The following ALAS2 variants were observed in gnomAD, a reference collection of about 807,000 sequenced individuals.
ALAS2 encodes the protein 5'-aminolevulinate synthase 2, also known as 5-aminolevulinate synthase, erythroid-specific, mitochondrial.
ALAS2 carries 3 observed loss-of-function variants against 33.7 expected under a neutral mutation model. That is an observed-to-expected ratio of 0.09 (90% CI 0.04 to 0.23). The LOEUF is 0.23. Ranked by LOEUF, ALAS2 falls within the 10% of genes least tolerant of loss-of-function variation. The pLI, the probability that ALAS2 is intolerant of heterozygous loss-of-function variation, is 1.00. For missense variants in ALAS2, 304 were observed against 475.1 expected (o/e 0.64, Z 3.35); for synonymous variants, 191 against 177.3 (o/e 1.08, Z -0.61).
chrX:55,017,598 T>C lies in ALAS2; in HGVS notation c.891A>G (p.Ala297=). 8.3e-7 allele frequency: 1 copy of C among 1,211,849 alleles called. No homozygotes were observed. The highest frequency in any genetic ancestry group is 1.1e-6 in the Non-Finnish European group (1 of 895,500). The stretch of plus-strand genomic sequence containing the variant: ...CATTGTGCCTGAAGACAAACTTGGC[T>C]GCTCCACTGTTACGGATACCTTGGA... The part of the protein sequence containing the change: ...SMIQGIRNSG[A]AKFVFRHNDP... Residue 297 remains alanine, a synonymous_variant, in exon 7 of 11, where the codon GCA becomes GCG. Transcript: ENST00000650242.
At chrX:55,027,999 T>C (rs1291158630) in intron 1 of ALAS2, 8 of 445,681 alleles carry the variant, frequency 1.8e-5, no homozygotes, top group Non-Finnish European at 2.8e-5. Context: ...TCCAATTTCA[T>C]TGTTGGATGT....
intron 1 of ALAS2, among the ~76,000 whole-genome samples, chrX:55,030,593 C>T (rs1289158384): frequency 9.2e-6 from 1 of 108,574 alleles, no homozygotes; most frequent in African/African-American, 3.4e-5. Flanking sequence ...GATACAAAGC[C>T]GAGGAAAGAG....
intron 10 of ALAS2, 152 bp downstream of exon 10, chrX:55,013,334 C>G: frequency 1.6e-6 from 1 of 613,287 alleles, no homozygotes; most frequent in Non-Finnish European, 2.4e-6. Flanking sequence ...GGCTGCTTCT[C>G]ATTTATTTGT....
intron 10 of ALAS2, among the ~76,000 whole-genome samples, 185 bp downstream of exon 10, chrX:55,013,301 A>G (rs1372424383): frequency 9.0e-6 from 1 of 111,112 alleles, no homozygotes; most frequent in Non-Finnish European, 1.9e-5. Flanking sequence ...TCCCCAACCA[A>G]ACTGGAGCCC....
At chrX:55,030,543 G>C (rs1935978358) in intron 1 of ALAS2, among the ~76,000 whole-genome samples, 1 of 111,220 alleles carries the variant, frequency 9.0e-6, no homozygotes, top group African/African-American at 3.3e-5. Flanking sequence ...CATCGTTCTT[G>C]ATAGAGAGGA....
At chrX:55,023,191 GGTGTGTGT>G (rs747543670) in intron 4 of ALAS2, among the ~76,000 whole-genome samples, 2 of 98,711 alleles carry the variant, frequency 2.0e-5, no homozygotes, top group Non-Finnish European at 4.2e-5. Context: ...GAGAGCAGAG[GGTGTGTGT>G]GTGTGTGTGT....
intron 6 of ALAS2, among the ~76,000 whole-genome samples, chrX:55,019,100 C>A (rs1309256857): frequency 9.0e-6 from 1 of 110,811 alleles, no homozygotes; most frequent in Non-Finnish European, 1.9e-5. Flanking sequence ...AAGCAGTTTG[C>A]CTGTTATAGG....
At chrX:55,024,624 C>T in intron 3 of ALAS2, 94 bp downstream of exon 3, 1 of 1,134,905 alleles carries the variant, frequency 8.8e-7, no homozygotes, top group Non-Finnish European at 1.2e-6. Context: ...GGGATGTGTA[C>T]TGGCTGCTTT....
At chrX:55,013,454 A>G in intron 10 of ALAS2, 32 bp downstream of exon 10, 1 of 1,180,950 alleles carries the variant, frequency 8.5e-7, no homozygotes, top group Middle Eastern at 2.4e-4. Context: ...GAGGGGAGGG[A>G]GGTCCTGTAG....
chrX:55,029,288 C>T (rs766554569), intron 1 of ALAS2, among the ~76,000 whole-genome samples: 2 of 111,359 alleles, frequency 1.8e-5, no homozygotes, highest in South Asian at 7.7e-4. Context: ...TCTCCACTGA[C>T]ATTGGACTAG....
chrX:55,019,996 G>A (rs1221826623), intron 6 of ALAS2, among the ~76,000 whole-genome samples: 1 of 111,440 alleles, frequency 9.0e-6, no homozygotes, highest in Non-Finnish European at 1.9e-5. Flanking sequence ...AAGAGGAGAA[G>A]AAGTTTGAAA....
At chrX:55,030,807 T>C (rs1429514038) in intron 1 of ALAS2, 135 bp downstream of exon 1, 5 of 166,258 alleles carry the variant, frequency 3.0e-5, no homozygotes, top group African/African-American at 3.2e-5. Context: ...AAAAAGAAAA[T>C]GAAAAAGAGA....
At chrX:55,027,785 A>C in intron 1 of ALAS2, 1 of 1,211,568 alleles carries the variant, frequency 8.3e-7, no homozygotes, top group Non-Finnish European at 1.1e-6. Context: ...GTTCCATCCC[A>C]GAGCAACCTC....
chrX:55,010,779 C>T (rs1288779490), intron 10 of ALAS2, among the ~76,000 whole-genome samples: 1 of 111,682 alleles, frequency 9.0e-6, no homozygotes, highest in Non-Finnish European at 1.9e-5. Context: ...TAATGTGCTA[C>T]TTAATTTGCT....
intron 3 of ALAS2, among the ~76,000 whole-genome samples, chrX:55,024,079 G>A (rs1935851659): frequency 8.9e-6 from 1 of 112,003 alleles, no homozygotes; most frequent in African/African-American, 3.2e-5. Flanking sequence ...TCTATAAGGT[G>A]AATCATACTT....
intron 1 of ALAS2, among the ~76,000 whole-genome samples, chrX:55,030,690 T>C (rs1935981555): frequency 9.2e-6 from 1 of 108,671 alleles, no homozygotes; most frequent in Non-Finnish European, 1.9e-5. Context: ...TGTCAGAGAA[T>C]GATGAAATGA....
rs777922310 is a variant in ALAS2 at position 55,012,629 on chromosome X, A to T, written c.1600+857T>A. Among the ~76,000 whole-genome samples, 8 of 111,663 alleles carry T rather than the reference A, an allele frequency of 7.2e-5. No individual in the cohort carries two copies. The South Asian group carries it at 3.0e-3, about 42-fold the overall frequency. On this transcript the variant is annotated intron_variant, in intron 10 of 10. Transcript: ENST00000650242. ...TGGTGAAACCCCATCTCTACTAAAAATACAGAAATTAGCTAGGCATGGTGG... is the reference window on the plus strand; with the variant it reads ...TGGTGAAACCCCATCTCTACTAAAATTACAGAAATTAGCTAGGCATGGTGG...
chrX:55,023,334 T>C (rs921261778), intron 4 of ALAS2, among the ~76,000 whole-genome samples: 2 of 110,739 alleles, frequency 1.8e-5, no homozygotes, highest in African/African-American at 3.3e-5. Context: ...AAAAATATTT[T>C]ACCATGAATC....
chrX:55,012,079 T>C lies in ALAS2; in HGVS notation c.1600+1407A>G, dbSNP rs1336864411. On this transcript the variant is annotated intron_variant, in intron 10 of 10. Transcript: ENST00000650242. ...GGTAAGTACTTAATGTTAGCCAGCATTATTTAATGTTTTTGAATGAATGAA... is the reference window on the plus strand; with the variant it reads ...GGTAAGTACTTAATGTTAGCCAGCACTATTTAATGTTTTTGAATGAATGAA... 2.7e-5 allele frequency among the ~76,000 whole-genome samples: 3 copies of C among 111,851 alleles called. No homozygotes were observed. The Admixed American group carries it at 2.8e-4, about 11-fold the overall frequency.
Sources: allele counts gnomAD v4.1 joint callset (sites outside exome capture counted in the v4.1 genomes callset), GRCh38; gene constraint gnomAD v4.1.1; transcripts MANE v1.5; gene names NCBI Gene and HGNC (gene_info 2026-07-23, HGNC 2026-07-21).